The following NPRL3 variants were observed in gnomAD, a reference collection of about 807,000 sequenced individuals.
The protein encoded by NPRL3 is NPR3 like, GATOR1 complex subunit.
In NPRL3, 23 loss-of-function variants were observed where a neutral mutation model predicts 57.2. That is an observed-to-expected ratio of 0.40 (90% CI 0.29 to 0.57). The LOEUF is 0.57. NPRL3 is among the 20% of genes least tolerant of loss of function. NPRL3 has a pLI of 0.42. For missense variants in NPRL3, 691 were observed against 767.1 expected (o/e 0.90, Z 1.17); for synonymous variants, 333 against 321.1 (o/e 1.04, Z -0.39).
intron 2 of NPRL3, among the ~76,000 whole-genome samples, chr16:136,276 TAAG>T (rs1223460376): frequency 1.3e-5 from 2 of 152,194 alleles, no homozygotes; most frequent in East Asian, 3.8e-4. Context: ...CCGTGGCCGG[TAAG>T]AAGGACAAGG....
intron 3 of NPRL3, 76 bp downstream of exon 3, chr16:130,446 T>A: frequency 7.2e-7 from 1 of 1,394,434 alleles, no homozygotes. Context: ...AACATCTGGG[T>A]GAATAGGAGG....
chr16:93,400 G>C (rs1898849434), intron 9 of NPRL3, 75 bp from the exon 10 acceptor site: 1 of 946,654 alleles, frequency 1.1e-6, no homozygotes, highest in Non-Finnish European at 1.7e-6. Context: ...CTCTCAGCCT[G>C]GGTGGCCATG....
chr16:135,542 G>A (rs1274349359), intron 2 of NPRL3, among the ~76,000 whole-genome samples: 1 of 147,360 alleles, frequency 6.8e-6, no homozygotes, highest in Admixed American at 7.0e-5. Flanking sequence ...CCGGGAAGCA[G>A]AGGTTGCAGT....
In NPRL3 at chr16:137,720, GT is replaced by G. The variant is rs932385824; in HGVS notation, c.118+429del. Among the ~76,000 whole-genome samples the G allele has an allele frequency of 3.3e-5, 5 of 150,546 alleles. No homozygotes were observed. The East Asian group carries it at 7.8e-4, about 23-fold the overall frequency. On this transcript the variant is annotated intron_variant, in intron 2 of 13. Transcript: ENST00000611875. The stretch of plus-strand genomic sequence containing the variant: ...ACGCACCACCACGCTCGGCTAATTT[GT>G]TTTTTTTTATTTTTATTTTTTCAGT...
intron 9 of NPRL3, among the ~76,000 whole-genome samples, chr16:94,507 G>A (rs1898902596): frequency 6.6e-6 from 1 of 152,212 alleles, no homozygotes; most frequent in African/African-American, 2.4e-5. Flanking sequence ...CCAGCATTTT[G>A]GGAGGGCAAG....
In NPRL3 at chr16:85,839, C is replaced by T. The variant is rs1898442497; in HGVS notation, c.*866G>A. 2.1e-6 allele frequency: 3 copies of T among 1,412,514 alleles called. No individual in the cohort carries two copies. The highest frequency in any genetic ancestry group is 2.9e-5 in the African/African-American group (2 of 69,266). 87.5% of individuals were successfully genotyped at this position (1,412,514 alleles called of 1,614,324 possible). ...TAAAAACCGAATAAATGTTTTATTT[C>T]TAGAAAACTGTGCCTTAGCCAGAGC... On this transcript the variant is annotated 3_prime_UTR_variant, in exon 14 of 14. Coordinates refer to ENST00000611875, the MANE Select transcript of NPRL3 (RefSeq NM_001077350.3).
At chr16:109,342 A>G (rs73478316) in intron 7 of NPRL3, among the ~76,000 whole-genome samples, 2,193 of 152,144 alleles carry the variant, frequency 0.014, 36 homozygotes, top group African/African-American at 0.032. Flanking sequence ...TGGTATCCTC[A>G]AGGCTTGCTG....
At chr16:93,669 G>A (rs990544772) in intron 9 of NPRL3, among the ~76,000 whole-genome samples, 4 of 151,424 alleles carry the variant, frequency 2.6e-5, no homozygotes, top group Admixed American at 1.3e-4. Flanking sequence ...AGGTTCAAGC[G>A]ATTCTCCTGC....
chr16:116,795 C>A lies in NPRL3; in HGVS notation c.393+506G>T, dbSNP rs1057175268. ...ATGGCCAACATGGCGAGACCCCCCC[C>A]CCCCACCGATCTCTACTAAAAATAC... On this transcript the variant is annotated intron_variant, in intron 5 of 13. Coordinates refer to ENST00000611875, the MANE Select transcript of NPRL3 (RefSeq NM_001077350.3). 1.5e-4 allele frequency among the ~76,000 whole-genome samples: 22 copies of A among 144,402 alleles called. 4 individuals are homozygous for A. Among genetic ancestry groups the A allele is most frequent in the Non-Finnish European group, 3.4e-4 (22 of 65,384 alleles). 94.7% of individuals were successfully genotyped at this position (144,402 alleles called of 152,430 possible).
In NPRL3 at chr16:119,587, G is replaced by A. The variant is rs534556170; in HGVS notation, c.189-332C>T. 3.9e-5 allele frequency among the ~76,000 whole-genome samples: 6 copies of A among 152,314 alleles called. No homozygotes were observed. The East Asian group carries it at 7.7e-4, about 20-fold the overall frequency. ...TCAGCTGGAGCCGGCACTGCCCTGC[G>A]GAGCTGCTCTTTAAAGTTCACAGGC... On this transcript the variant is annotated intron_variant, in intron 3 of 13. Coordinates refer to ENST00000611875, the MANE Select transcript of NPRL3 (RefSeq NM_001077350.3).
rs1168166639 is a variant in NPRL3, at chr16:132,702, C to T, written c.119-2111G>A. ...TTTTTTTTTTTGAGACGGAGTCTCG[C>T]TCTGTCGCCCAGGCTGGAGTGCAGT... On this transcript the variant is annotated intron_variant, in intron 2 of 13. Coordinates refer to ENST00000611875, the MANE Select transcript of NPRL3 (RefSeq NM_001077350.3). Among the ~76,000 whole-genome samples the T allele has an allele frequency of 2.0e-5, 3 of 148,600 alleles. 1 individual carries two copies. Among genetic ancestry groups the T allele is most frequent in the Admixed American group, 1.3e-4 (2 of 14,836 alleles).
intron 2 of NPRL3, among the ~76,000 whole-genome samples, chr16:133,051 T>C (rs916310504): frequency 1.3e-5 from 2 of 152,232 alleles, no homozygotes; most frequent in African/African-American, 4.8e-5. Flanking sequence ...ACTTTTCTTC[T>C]GCAGCTTCCT....
chr16:118,942 A>C (rs548993695), intron 4 of NPRL3, among the ~76,000 whole-genome samples, 184 bp downstream of exon 4: 1 of 141,508 alleles, frequency 7.1e-6, no homozygotes, highest in South Asian at 2.3e-4. Flanking sequence ...AGGGGAAGCC[A>C]CATCTGCCCA....
At chr16:132,504 A>G (rs943053730) in intron 2 of NPRL3, among the ~76,000 whole-genome samples, 1 of 152,160 alleles carries the variant, frequency 6.6e-6, no homozygotes, top group Non-Finnish European at 1.5e-5. Flanking sequence ...GCTGGAATCA[A>G]CTTTTTCCAA....
At chr16:125,457 A>C (rs979025421) in intron 3 of NPRL3, among the ~76,000 whole-genome samples, 4 of 152,226 alleles carry the variant, frequency 2.6e-5, no homozygotes, top group Non-Finnish European at 5.9e-5. Context: ...ATTTCCTGAC[A>C]GGAGCATTTT....
intron 6 of NPRL3, among the ~76,000 whole-genome samples, chr16:111,355 A>G (rs1338347423): frequency 6.6e-6 from 1 of 152,130 alleles, no homozygotes. Flanking sequence ...AGCAGAGATC[A>G]CACCACTGCA....
rs1900373991 is a variant in NPRL3, at chr16:123,611, G to A, written c.189-4356C>T. Reference sequence around the variant, plus strand: ...ATCACTTTTTTAAAAACCATGAAAAGTTACAAGGCTATTTTATAAAAACTG... The same window carrying A: ...ATCACTTTTTTAAAAACCATGAAAAATTACAAGGCTATTTTATAAAAACTG... On this transcript the variant is annotated intron_variant, in intron 3 of 13. Transcript: ENST00000611875. 9.9e-5 allele frequency: 46 copies of A among 464,656 alleles called. 1 individual carries two copies. The highest frequency in any genetic ancestry group is 7.2e-4 in the South Asian group (46 of 64,300). The allele number at this position is 464,656 out of a possible 1,614,324, so 28.8% of individuals were successfully genotyped here.
intron 7 of NPRL3, among the ~76,000 whole-genome samples, chr16:107,705 T>C (rs1042384348): frequency 5.3e-5 from 8 of 151,618 alleles, no homozygotes; most frequent in East Asian, 3.9e-4. Context: ...GGGGCTGGAG[T>C]ACAGTGGCTA....
chr16:97,460 T>C (rs1899067917), intron 9 of NPRL3, among the ~76,000 whole-genome samples: 1 of 142,750 alleles, frequency 7.0e-6, no homozygotes, highest in Admixed American at 7.7e-5. Flanking sequence ...GGTTTTGCCA[T>C]GTTGCTCAGG....
Sources: allele counts gnomAD v4.1 joint callset (sites outside exome capture counted in the v4.1 genomes callset), GRCh38; gene constraint gnomAD v4.1.1; transcripts MANE v1.5; gene names NCBI Gene and HGNC (gene_info 2026-07-23, HGNC 2026-07-21).